Variants in PIP4K2B observed in about 807,000 individuals in gnomAD.
PIP4K2B encodes phosphatidylinositol-5-phosphate 4-kinase type 2 beta.
A neutral mutation model predicts 42.0 loss-of-function variants in PIP4K2B; 3 were observed. The observed-to-expected ratio is 0.07, with a 90% CI of 0.03 to 0.18. The LOEUF (loss-of-function observed/expected upper bound fraction) is 0.18, where lower values mean the gene tolerates loss of function less well. Among genes scored for constraint, PIP4K2B ranks in the 10% least tolerant of loss-of-function variants. The probability of loss-of-function intolerance (pLI) is 1.00; values close to 1 mark genes in which losing one functional copy is unlikely to be tolerated. For missense variants in PIP4K2B, 332 were observed against 562.3 expected, an observed-to-expected ratio of 0.59 and a Z score of 4.14; for synonymous variants, 204 against 210.1, an observed-to-expected ratio of 0.97 and a Z score of 0.25.
chr17:38,799,474 G>A lies in PIP4K2B; in HGVS notation c.-50C>T, dbSNP rs1282428481. On this transcript the variant is annotated 5_prime_UTR_variant, in exon 1 of 10. Transcript: ENST00000619039. The surrounding 1 kb of genome is among the most constrained non-coding windows in gnomAD (Gnocchi z 4.4). ...GAAAGAGGGGGGCGGCGGAGACAGC[G>A]CACAAGCCAGCGGCCTCAGGCCTCC... The A allele has an allele frequency of 2.7e-6, 4 of 1,497,784 alleles. No individual in the cohort carries two copies. The highest frequency in any genetic ancestry group is 3.5e-6 in the Non-Finnish European group (4 of 1,132,100). 92.8% of individuals were successfully genotyped at this position (1,497,784 alleles called of 1,614,324 possible). A position where few individuals can be genotyped will look rare whatever the true frequency, so the allele number is the denominator to read the frequency against.
At position 38,794,004 on chromosome 17, in the gene PIP4K2B, T is replaced by C. The variant is rs190322000; in HGVS notation, c.159+5262A>G. 2.6e-5 allele frequency among the ~76,000 whole-genome samples: 4 copies of C among 152,106 alleles called. No homozygotes were observed. In the East Asian group the frequency reaches 7.7e-4, roughly 29 times the overall value. Reference sequence around the variant, plus strand: ...CCCTCACACCATACCCAAAAGTGAATTCAAAATGGATTACAGACTTAAATG... The same window carrying C: ...CCCTCACACCATACCCAAAAGTGAACTCAAAATGGATTACAGACTTAAATG... On this transcript the variant is annotated intron_variant, in intron 1 of 9. Coordinates refer to ENST00000619039, the MANE Select transcript of PIP4K2B (RefSeq NM_003559.5).
intron 1 of PIP4K2B, among the ~76,000 whole-genome samples, chr17:38,796,490 G>A (rs150295517): frequency 3.9e-5 from 6 of 152,108 alleles, no homozygotes; most frequent in East Asian, 3.9e-4. Context: ...CCAAACCCTC[G>A]GAACTGTATT....
chr17:38,795,099 C>CAAAAAAAAAAAAAAA (rs61707682), intron 1 of PIP4K2B, among the ~76,000 whole-genome samples: 3 of 41,496 alleles, frequency 7.2e-5, no homozygotes, highest in Non-Finnish European at 8.8e-5. Context: ...AACTCCATCT[C>CAAAAAAAAAAAAAAA]AAAAAAAAAA....
At chr17:38,791,610 T>C (rs1478126620) in intron 1 of PIP4K2B, among the ~76,000 whole-genome samples, 2 of 150,510 alleles carry the variant, frequency 1.3e-5, no homozygotes, top group Non-Finnish European at 1.5e-5. Context: ...GGTTTCTCCA[T>C]GTTGGCCAGG....
intron 8 of PIP4K2B, 41 bp downstream of exon 8, chr17:38,770,973 G>A (rs759576068): frequency 1.2e-6 from 2 of 1,608,928 alleles, no homozygotes. Flanking sequence ...GGGGTAGGAT[G>A]AGGGCAGGGC....
At chr17:38,786,131 G>A (rs1224922586) in intron 2 of PIP4K2B, among the ~76,000 whole-genome samples, 1 of 152,234 alleles carries the variant, frequency 6.6e-6, no homozygotes, top group Non-Finnish European at 1.5e-5. Context: ...GGGACTGTGA[G>A]ACAATGAAGA....
At position 38,795,314 on chromosome 17, in the gene PIP4K2B, G is replaced by T. The variant is rs146594923; in HGVS notation, c.159+3952C>A. Among the ~76,000 whole-genome samples, 8 of 151,990 alleles carry T rather than the reference G, an allele frequency of 5.3e-5. No individual in the cohort carries two copies. The East Asian group carries it at 1.6e-3, about 30-fold the overall frequency. ...TTTAATAGACATTCTCCAAAGAAAA[G>T]ATACCAATGAAGGCTGGGGATGTGG... On this transcript the variant is annotated intron_variant, in intron 1 of 9. Coordinates refer to ENST00000619039, the MANE Select transcript of PIP4K2B (RefSeq NM_003559.5).
In PIP4K2B at chr17:38,777,709, T is replaced by A; in HGVS notation, c.785A>T (p.Glu262Val). ...TACCTCAACGTCCCGCTTCAGTTTC[T>A]CCAGGAAGTTCTTTTTACTCTCCTC... ...VGEESKKNFL[E>V]KLKRDVEFLA... Residue 262 changes from glutamate to valine, a missense_variant, in exon 7 of 10, where the codon GAG becomes GTG. Around this residue, in one of 6 missense-constraint regions of PIP4K2B, gnomAD observed 26 missense variants for 23.7 expected, o/e 1.10. Coordinates refer to ENST00000619039, the MANE Select transcript of PIP4K2B (RefSeq NM_003559.5). 6.2e-7 allele frequency: 1 copy of A among 1,613,166 alleles called. No homozygotes were observed. The highest frequency in any genetic ancestry group is 8.5e-7 in the Non-Finnish European group (1 of 1,179,082).
At chr17:38,790,454 A>G (rs1910284237) in intron 1 of PIP4K2B, among the ~76,000 whole-genome samples, 1 of 152,146 alleles carries the variant, frequency 6.6e-6, no homozygotes, top group African/African-American at 2.4e-5. Context: ...TGGGAGGCCT[A>G]AGGGGACGGA....
At chr17:38,770,844 G>A (rs1908983581) in intron 8 of PIP4K2B, among the ~76,000 whole-genome samples, 170 bp downstream of exon 8, 1 of 152,124 alleles carries the variant, frequency 6.6e-6, no homozygotes. Flanking sequence ...GGCAGAGGAG[G>A]AGCCCCAGGT....
intron 8 of PIP4K2B, 77 bp from the exon 9 acceptor site, chr17:38,770,616 C>T (rs1316159595): frequency 4.9e-6 from 4 of 811,544 alleles, no homozygotes; most frequent in Non-Finnish European, 8.6e-6. Context: ...ACTGCTACAA[C>T]CCCCAGACAC....
chr17:38,780,632 G>A, intron 3 of PIP4K2B, 28 bp from the exon 4 acceptor site: 5 of 1,599,142 alleles, frequency 3.1e-6, no homozygotes, highest in South Asian at 1.1e-5. Context: ...AGAAGGCTGG[G>A]CTTGGCAGGG....
Position 38,799,328 on chromosome 17 carries a change from C to G in PIP4K2B, c.97G>C (p.Val33Leu). 1 of 1,609,114 alleles carries G rather than the reference C, an allele frequency of 6.2e-7. No homozygotes were observed. The highest frequency in any genetic ancestry group is 1.1e-5 in the South Asian group (1 of 90,484). Residue 33 changes from valine to leucine, a missense_variant, in exon 1 of 10, where the codon GTG (valine) becomes CTG (leucine). Physicochemically the swap from Val to Leu is conservative, Grantham distance 32 (BLOSUM62 1). Around this residue, in one of 6 missense-constraint regions of PIP4K2B, gnomAD observed 186 missense variants for 288.4 expected, o/e 0.64. Transcript: ENST00000619039. The surrounding 1 kb of genome is among the most constrained non-coding windows in gnomAD (Gnocchi z 4.4). The stretch of plus-strand genomic sequence containing the variant: ...GGCTCGCTGGCCCGGAATAGCTTCA[C>G]TTTCTGGCACACGAAATGCTTCTTC... Reference protein sequence around the residue: ...TKKKHFVCQKVKLFRASEPIL... With the variant: ...TKKKHFVCQKLKLFRASEPIL...
At position 38,779,502 on chromosome 17, in the gene PIP4K2B, G is replaced by C; in HGVS notation, c.535C>G (p.Leu179Val). 1 of 1,613,942 alleles carries C rather than the reference G, an allele frequency of 6.2e-7. No homozygotes were observed. Among genetic ancestry groups the C allele is most frequent in the Non-Finnish European group, 8.5e-7 (1 of 1,179,790 alleles). The change falls in exon 5 of 10, where the codon CTT (leucine) becomes GTT (valine). Residue 179 changes from leucine to valine, a missense_variant. Transcript: ENST00000619039. ...QFIVECHGNT[L>V]LPQFLGMYRL... is the part of the protein sequence containing the mutation. ...TACATGCCCAGGAACTGTGGCAAAA[G>C]CGTGTTGCCATGACACTCCACTATA... is the stretch of plus-strand genomic sequence containing the variant.
chr17:38,799,158 A>AG lies in PIP4K2B; in HGVS notation c.159+107dup. 8.3e-7 allele frequency: 1 copy of AG among 1,198,054 alleles called. No individual in the cohort carries two copies. Among genetic ancestry groups the AG allele is most frequent in the Non-Finnish European group, 1.1e-6 (1 of 900,176 alleles). 74.2% of individuals were successfully genotyped at this position (1,198,054 alleles called of 1,614,324 possible). A position where few individuals can be genotyped will look rare whatever the true frequency, so the allele number is the denominator to read the frequency against. On this transcript the variant is annotated intron_variant, in intron 1 of 9. Coordinates refer to ENST00000619039, the MANE Select transcript of PIP4K2B (RefSeq NM_003559.5). The surrounding 1 kb of genome is among the most constrained non-coding windows in gnomAD (Gnocchi z 4.4). ...GGGTGGGCGTGCAAGTGGCTTGGCG[A>AG]GGGGTGGCAGGCGTCACCGGCAGGG...
In PIP4K2B at chr17:38,766,658, G is replaced by A. The variant is rs773121342; in HGVS notation, c.*3033C>T. ...GACTGCCACTGAGAACAGCCACAGG[G>A]GCCACTCGTGGCGCCTGCCACAGAC... is the stretch of plus-strand genomic sequence containing the variant. On this transcript the variant is annotated 3_prime_UTR_variant, in exon 10 of 10. Coordinates refer to ENST00000619039, the MANE Select transcript of PIP4K2B (RefSeq NM_003559.5). 196 of 152,814 alleles carry A rather than the reference G, an allele frequency of 1.3e-3. No homozygotes were observed. Among genetic ancestry groups the A allele is most frequent in the Non-Finnish European group, 3.2e-4 (22 of 68,082 alleles). The allele number at this position is 152,814 out of a possible 1,614,324, so 9.5% of individuals were successfully genotyped here.
chr17:38,792,950 A>C (rs1910416482), intron 1 of PIP4K2B: 1 of 151,958 alleles, frequency 6.6e-6, no homozygotes, highest in Non-Finnish European at 1.5e-5. Flanking sequence ...TTTTTTTGAA[A>C]CGGAGTCTCA....
chr17:38,790,856 T>C (rs1434412075), intron 1 of PIP4K2B, among the ~76,000 whole-genome samples: 1 of 152,160 alleles, frequency 6.6e-6, no homozygotes, highest in Non-Finnish European at 1.5e-5. Flanking sequence ...ATGTAGATGA[T>C]TCACTGTAGG....
rs1255368705 is a variant in PIP4K2B, at chr17:38,767,255, C to G, written c.*2436G>C. The stretch of plus-strand genomic sequence containing the variant: ...CTTTCTCTACATTCAAACTGCAGAC[C>G]AAATAGAATACCATGACAAAAAGAA... On this transcript the variant is annotated 3_prime_UTR_variant, in exon 10 of 10. Transcript: ENST00000619039. 6.6e-6 allele frequency: 1 copy of G among 151,964 alleles called. No homozygotes were observed. The highest frequency in any genetic ancestry group is 1.5e-5 in the Non-Finnish European group (1 of 68,002). The allele number at this position is 151,964 out of a possible 1,614,324, so 9.4% of individuals were successfully genotyped here. A position where few individuals can be genotyped will look rare whatever the true frequency, so the allele number is the denominator to read the frequency against.
Sources: allele counts gnomAD v4.1 joint callset (sites outside exome capture counted in the v4.1 genomes callset), GRCh38; gene constraint gnomAD v4.1.1; regional missense constraint gnomAD v4.1.1; non-coding constraint Gnocchi (gnomAD v3.1); transcripts MANE v1.5; gene names NCBI Gene and HGNC (gene_info 2026-07-23, HGNC 2026-07-21).